Variants in RAI14 observed in about 807,000 individuals in gnomAD.
RAI14 encodes ankycorbin.
Under a neutral mutation model 115.4 loss-of-function variants are expected in RAI14, and 45 were observed. The ratio of observed to expected loss-of-function variants is 0.39; its 90% CI spans 0.31 to 0.50. The LOEUF (loss-of-function observed/expected upper bound fraction) is 0.50. Ranked by LOEUF, RAI14 falls within the 20% of genes least tolerant of loss-of-function variation. The pLI is 0.85. For missense variants in RAI14, 939 were observed against 1,131.2 expected (o/e 0.83, Z 2.44); for synonymous variants, 371 against 415.4 (o/e 0.89, Z 1.30).
rs1315594173 is a variant in RAI14, at chr5:34,752,739, G to GTATATATA, written c.37-4728_37-4727insATATATAT. On this transcript the variant is annotated intron_variant, in intron 2 of 17. Coordinates refer to ENST00000265109, the MANE Select transcript of RAI14 (RefSeq NM_015577.3). ...TGTGTGTGTGTGTGTGTGTGTGTGT[G>GTATATATA]TGTGTGTGTGTATATATATATATAT... Among the ~76,000 whole-genome samples, 71 of 105,722 alleles carry GTATATATA rather than the reference G, an allele frequency of 6.7e-4. 1 individual carries two copies. The highest frequency in any genetic ancestry group is 8.8e-3 in the Middle Eastern group (2 of 226). 69.4% of individuals were successfully genotyped at this position (105,722 alleles called of 152,430 possible).
intron 4 of RAI14, among the ~76,000 whole-genome samples, chr5:34,799,526 ACACACAC>A (rs1489421158): frequency 1.3e-4 from 15 of 119,454 alleles, no homozygotes; most frequent in African/African-American, 4.3e-4. Flanking sequence ...ACACACACAC[ACACACAC>A]ACACACAAAA....
intron 4 of RAI14, among the ~76,000 whole-genome samples, chr5:34,796,298 T>A (rs113580582): frequency 3.0e-4 from 45 of 151,686 alleles, no homozygotes; most frequent in African/African-American, 1.1e-3. Flanking sequence ...CTCAGGAGGC[T>A]GAGACATGAG....
intron 14 of RAI14, among the ~76,000 whole-genome samples, chr5:34,822,700 T>G (rs1396725243): frequency 1.1e-5 from 1 of 89,518 alleles, no homozygotes; most frequent in Non-Finnish European, 2.2e-5. Flanking sequence ...TTTTTTTTTT[T>G]TGAGACGGAG....
At chr5:34,769,925 C>T (rs1749929175) in intron 3 of RAI14, among the ~76,000 whole-genome samples, 2 of 152,134 alleles carry the variant, frequency 1.3e-5, no homozygotes, top group Non-Finnish European at 2.9e-5. Flanking sequence ...ATGTGGGTTT[C>T]ACCATGTTGG....
At chr5:34,759,442 G>A (rs770112541) in intron 3 of RAI14, among the ~76,000 whole-genome samples, 1 of 152,120 alleles carries the variant, frequency 6.6e-6, no homozygotes, top group Admixed American at 6.5e-5. Flanking sequence ...CCCATTGCTC[G>A]CATTACTATC....
chr5:34,678,441 T>C (rs189990303), intron 1 of RAI14, among the ~76,000 whole-genome samples: 91 of 152,324 alleles, frequency 6.0e-4, no homozygotes, highest in Non-Finnish European at 3.8e-4. Context: ...TATTTGGAGA[T>C]AGGACCTTTG....
chr5:34,700,219 T>C (rs1403668712), intron 2 of RAI14, among the ~76,000 whole-genome samples: 1 of 152,110 alleles, frequency 6.6e-6, no homozygotes, highest in East Asian at 1.9e-4. Context: ...TTCCCCTGGG[T>C]GGTGGTTTCT....
chr5:34,792,753 A>G (rs1753079510), intron 3 of RAI14, among the ~76,000 whole-genome samples: 1 of 152,222 alleles, frequency 6.6e-6, no homozygotes, highest in African/African-American at 2.4e-5. Flanking sequence ...AGCCAAGACT[A>G]TCTATCCTTA....
chr5:34,790,158 ACTGCTT>A (rs1418267472), intron 3 of RAI14, among the ~76,000 whole-genome samples: 1 of 152,220 alleles, frequency 6.6e-6, no homozygotes, highest in Non-Finnish European at 1.5e-5. Flanking sequence ...GTGATTAATA[ACTGCTT>A]CTAGGCATAG....
At chr5:34,755,432 TG>T (rs1747763280) in intron 2 of RAI14, among the ~76,000 whole-genome samples, 1 of 152,188 alleles carries the variant, frequency 6.6e-6, no homozygotes. Context: ...TAACGTCACG[TG>T]AAGTCTCGAG....
At chr5:34,668,267 G>T (rs1312753271) in intron 1 of RAI14, among the ~76,000 whole-genome samples, 1 of 152,106 alleles carries the variant, frequency 6.6e-6, no homozygotes. Context: ...GATGGCGCAC[G>T]CCTGTGATCC....
intron 4 of RAI14, among the ~76,000 whole-genome samples, chr5:34,803,205 G>A (rs1203515235): frequency 6.6e-6 from 1 of 152,182 alleles, no homozygotes; most frequent in Non-Finnish European, 1.5e-5. Context: ...ATGTCATCCA[G>A]TAGGTGGGAT....
Position 34,776,806 on chromosome 5 carries a change from T to TCAAAAAAAAAAAACAAACAA in RAI14, c.168-19133_168-19132insCAAAAAAAAAAAACAAACAA, listed in dbSNP as rs1561347587. ...TGGGTGACAGAGTGAGACCCTTTAT[T>TCAAAAAAAAAAAACAAACAA]AAAAAAACCCACCAAAACTCATGTG... is the stretch of plus-strand genomic sequence containing the variant. On this transcript the variant is annotated intron_variant, in intron 3 of 17. Transcript: ENST00000265109. 3.3e-3 allele frequency among the ~76,000 whole-genome samples: 294 copies of TCAAAAAAAAAAAACAAACAA among 89,884 alleles called. 1 individual carries two copies. The highest frequency in any genetic ancestry group is 8.3e-3 in the African/African-American group (280 of 33,736). 59.0% of individuals were successfully genotyped at this position (89,884 alleles called of 152,430 possible).
rs964643271 is a variant in RAI14, at chr5:34,812,004, G to A, written c.736+59G>A. On this transcript the variant is annotated intron_variant, in intron 9 of 17. Transcript: ENST00000265109. ...GTTTATCCACTCCATTTTCCCCAAA[G>A]GATAAAGGAATGTGTGCAATATGAT... 7 of 1,441,258 alleles carry A rather than the reference G, an allele frequency of 4.9e-6. No individual in the cohort carries two copies. In the Admixed American group the frequency reaches 6.1e-5, roughly 13 times the overall value. The allele number at this position is 1,441,258 out of a possible 1,614,324, so 89.3% of individuals were successfully genotyped here.
Position 34,826,422 on chromosome 5 carries a change from G to A in RAI14, c.2742G>A (p.Gln914=). Residue 914 remains glutamine (Q), a synonymous_variant, in exon 16 of 18, where the codon CAG becomes CAA. Coordinates refer to ENST00000265109, the MANE Select transcript of RAI14 (RefSeq NM_015577.3). ...LSYSTSSSKR[Q]SQQLEALQQQ... is the part of the protein sequence containing the mutation. The stretch of plus-strand genomic sequence containing the variant: ...ACTCAACAAGCTCATCCAAAAGGCA[G>A]AGTCAGCAGCTGGAGGCGCTGCAGC... The A allele has an allele frequency of 6.2e-7, 1 of 1,614,130 alleles. No individual in the cohort carries two copies. Among genetic ancestry groups the A allele is most frequent in the Non-Finnish European group, 8.5e-7 (1 of 1,179,990 alleles).
chr5:34,724,853 T>G (rs1242714942), intron 2 of RAI14, among the ~76,000 whole-genome samples: 1 of 152,192 alleles, frequency 6.6e-6, no homozygotes, highest in Non-Finnish European at 1.5e-5. Context: ...TCTGTTACTC[T>G]TGTCCATTTG....
chr5:34,794,658 A>G (rs976155075), intron 3 of RAI14, among the ~76,000 whole-genome samples: 1 of 152,222 alleles, frequency 6.6e-6, no homozygotes, highest in South Asian at 2.1e-4. Context: ...CAGCCTTTAC[A>G]ATGGAGGAAA....
chr5:34,783,933 AGACAAAGT>A (rs1380399235), intron 3 of RAI14, among the ~76,000 whole-genome samples: 1 of 152,200 alleles, frequency 6.6e-6, no homozygotes, highest in Non-Finnish European at 1.5e-5. Flanking sequence ...CATGTAGCCC[AGACAAAGT>A]GAGAAAAGGT....
At position 34,814,614 on chromosome 5, in the gene RAI14, C is replaced by G. The variant is rs765298527; in HGVS notation, c.884C>G (p.Thr295Ser). ...GATGTCTCTTCCCCAAGATCAATAA[C>G]TTCGACTCCACTATCGGGAAAGGAA... Reference protein sequence around the residue: ...LSDVSSPRSITSTPLSGKESV... With the variant: ...LSDVSSPRSISSTPLSGKESV... The change falls in exon 12 of 18, where the codon ACT becomes AGT. Residue 295 changes from threonine (T) to serine (S), a missense_variant. Thr to Ser is a moderately conservative substitution (Grantham distance 58, BLOSUM62 1). Transcript: ENST00000265109. The G allele has an allele frequency of 1.2e-6, 2 of 1,613,540 alleles. No individual in the cohort carries two copies. Among genetic ancestry groups the G allele is most frequent in the Non-Finnish European group, 1.7e-6 (2 of 1,179,578 alleles).
Sources: allele counts gnomAD v4.1 joint callset (sites outside exome capture counted in the v4.1 genomes callset), GRCh38; gene constraint gnomAD v4.1.1; transcripts MANE v1.5; gene names NCBI Gene and HGNC (gene_info 2026-07-23, HGNC 2026-07-21).